RFTN1: variants seen among roughly 807,000 people sequenced by gnomAD.
RFTN1 encodes raftlin, lipid raft linker 1.
Under a neutral mutation model 46.5 loss-of-function variants are expected in RFTN1, and 26 were observed. That is an observed-to-expected ratio of 0.56 (90% CI 0.41 to 0.78). The LOEUF (loss-of-function observed/expected upper bound fraction) is 0.78. Among genes scored for constraint, RFTN1 ranks in the 30% least tolerant of loss-of-function variants. RFTN1 has a pLI of 0.00. For synonymous variants in RFTN1, 261 were observed against 284.2 expected, an observed-to-expected ratio of 0.92 and a Z score of 0.82; for missense variants, 693 against 718.7, an observed-to-expected ratio of 0.96 and a Z score of 0.41.
In RFTN1 at chr3:16,334,293, G is replaced by A. The variant is rs137862950; in HGVS notation, c.1147-7417C>T. Among the ~76,000 whole-genome samples the A allele has an allele frequency of 9.9e-5, 15 of 152,182 alleles. No individual in the cohort carries two copies. Among genetic ancestry groups the A allele is most frequent in the Admixed American group, 6.5e-5 (1 of 15,290 alleles). On this transcript the variant is annotated intron_variant, in intron 7 of 9. Coordinates refer to ENST00000334133, the MANE Select transcript of RFTN1 (RefSeq NM_015150.2). This position sits in a 1 kb window ranked among gnomAD's most constrained non-coding sequence, Gnocchi z 4.3. The stretch of plus-strand genomic sequence containing the variant: ...TTGCCAAGGCCGTGGGGAAGCATGC[G>A]TTCTTGTACATTGCTAGTGGAAGGG...
chr3:16,469,855 C>T (rs1368185555), intron 2 of RFTN1, among the ~76,000 whole-genome samples: 1 of 152,230 alleles, frequency 6.6e-6, no homozygotes, highest in Non-Finnish European at 1.5e-5. Context: ...CCCCAAGGAC[C>T]CTTTCTGTTG....
Position 16,496,750 on chromosome 3 carries a change from A to C in RFTN1, c.-8-2873T>G, listed in dbSNP as rs192424776. Among the ~76,000 whole-genome samples, 4 of 152,342 alleles carry C rather than the reference A, an allele frequency of 2.6e-5. No individual in the cohort carries two copies. In the East Asian group the frequency reaches 7.7e-4, roughly 29 times the overall value. On this transcript the variant is annotated intron_variant, in intron 1 of 9. Transcript: ENST00000334133. ...GGTATATACCAACAGAAATGTGTAC[A>C]TATGGGCATCGAAAGACACGTATGA...
At chr3:16,471,412 A>C (rs1158168746) in intron 2 of RFTN1, among the ~76,000 whole-genome samples, 1 of 152,192 alleles carries the variant, frequency 6.6e-6, no homozygotes, top group African/African-American at 2.4e-5. Flanking sequence ...TCTGGACATC[A>C]GTTTCCTATT....
Position 16,384,051 on chromosome 3 carries a change from T to C in RFTN1, c.442-5949A>G, listed in dbSNP as rs111446579. Reference sequence around the variant, plus strand: ...TCGGTAAAGTGGATTCCTCCATTATTAGGTGGGTCTCATCTAATCAGGTGA... The same window carrying C: ...TCGGTAAAGTGGATTCCTCCATTATCAGGTGGGTCTCATCTAATCAGGTGA... On this transcript the variant is annotated intron_variant, in intron 4 of 9. Coordinates refer to ENST00000334133, the MANE Select transcript of RFTN1 (RefSeq NM_015150.2). This position sits in a 1 kb window ranked among gnomAD's most constrained non-coding sequence, Gnocchi z 4.7. 4.6e-3 allele frequency among the ~76,000 whole-genome samples: 708 copies of C among 152,340 alleles called. 3 individuals are homozygous for C. The highest frequency in any genetic ancestry group is 0.016 in the African/African-American group (684 of 41,572).
At chr3:16,326,990 C>T (rs75175275) in intron 7 of RFTN1, 114 bp from the exon 8 acceptor site, 12,138 of 727,948 alleles carry the variant, frequency 0.017, 449 homozygotes, top group East Asian at 0.11. Context: ...TGGCGGTGCC[C>T]GGCCACTCAG....
chr3:16,411,467 G>A (rs2074979213), intron 3 of RFTN1, among the ~76,000 whole-genome samples: 1 of 152,140 alleles, frequency 6.6e-6, no homozygotes, highest in Non-Finnish European at 1.5e-5. Context: ...CCTTCCAAGG[G>A]TAGGGTACTG....
In RFTN1 at chr3:16,327,257, C is replaced by T. The variant is rs1200194892; in HGVS notation, c.1147-381G>A. 1.3e-5 allele frequency among the ~76,000 whole-genome samples: 2 copies of T among 152,160 alleles called. No individual in the cohort carries two copies. Among genetic ancestry groups the T allele is most frequent in the Non-Finnish European group, 1.5e-5 (1 of 68,034 alleles). On this transcript the variant is annotated intron_variant, in intron 7 of 9. Coordinates refer to ENST00000334133, the MANE Select transcript of RFTN1 (RefSeq NM_015150.2). This position sits in a 1 kb window ranked among gnomAD's most constrained non-coding sequence, Gnocchi z 4.2. The stretch of plus-strand genomic sequence containing the variant: ...CGTGCTGCTCTGAATGAGTTCAGAG[C>T]GTGTTGTGGGGAGTTAACTTACATT...
chr3:16,366,096 CAA>C (rs1362189349), intron 6 of RFTN1, among the ~76,000 whole-genome samples: 35 of 152,116 alleles, frequency 2.3e-4, no homozygotes, highest in African/African-American at 8.2e-4. Flanking sequence ...GAAGGCAGGG[CAA>C]AGAGGGTAGT....
chr3:16,348,142 T>C lies in RFTN1; in HGVS notation c.1146+9790A>G, dbSNP rs1033802972. On this transcript the variant is annotated intron_variant, in intron 7 of 9. Transcript: ENST00000334133. The surrounding 1 kb of genome is among the most constrained non-coding windows in gnomAD (Gnocchi z 6.3). The stretch of plus-strand genomic sequence containing the variant: ...CACCTCGGAGCACTTGTGGCTCTTG[T>C]TGCTTAAAGCAGGGCAGGCTCCTGG... 1 of 152,132 alleles carries C rather than the reference T, an allele frequency of 6.6e-6. No homozygotes were observed. The highest frequency in any genetic ancestry group is 1.5e-5 in the Non-Finnish European group (1 of 68,026). 9.4% of individuals were successfully genotyped at this position (152,132 alleles called of 1,614,324 possible).
chr3:16,387,213 C>T lies in RFTN1; in HGVS notation c.442-9111G>A, dbSNP rs1189987167. Among the ~76,000 whole-genome samples, 1 of 152,194 alleles carries T rather than the reference C, an allele frequency of 6.6e-6. No individual in the cohort carries two copies. The highest frequency in any genetic ancestry group is 1.5e-5 in the Non-Finnish European group (1 of 68,032). ...CAAATGTCGCATCCATCCAGTCCAC[C>T]CAGGGCCACAAGGAGGAGGGCTCAA... On this transcript the variant is annotated intron_variant, in intron 4 of 9. Coordinates refer to ENST00000334133, the MANE Select transcript of RFTN1 (RefSeq NM_015150.2). This position sits in a 1 kb window ranked among gnomAD's most constrained non-coding sequence, Gnocchi z 5.2.
intron 3 of RFTN1, 35 bp from the exon 4 acceptor site, chr3:16,409,518 T>A: frequency 7.1e-7 from 1 of 1,400,998 alleles, no homozygotes; most frequent in Non-Finnish European, 1.0e-6. Flanking sequence ...AGAAACAGAT[T>A]AATATCTTGC....
Position 16,512,776 on chromosome 3 carries a change from T to C in RFTN1, c.-9+666A>G, listed in dbSNP as rs1693714890. Reference sequence around the variant, plus strand: ...AGTGGGTTAAGACAAGGGAAGAAAATCCCTTACAGAAGAGGAGATCCCCGT... The same window carrying C: ...AGTGGGTTAAGACAAGGGAAGAAAACCCCTTACAGAAGAGGAGATCCCCGT... On this transcript the variant is annotated intron_variant, in intron 1 of 9. Coordinates refer to ENST00000334133, the MANE Select transcript of RFTN1 (RefSeq NM_015150.2). The surrounding 1 kb of genome is among the most constrained non-coding windows in gnomAD (Gnocchi z 4.3). 1.3e-5 allele frequency: 2 copies of C among 152,018 alleles called. No homozygotes were observed. The highest frequency in any genetic ancestry group is 1.9e-4 in the East Asian group (1 of 5,180). The allele number at this position is 152,018 out of a possible 1,614,324, so 9.4% of individuals were successfully genotyped here.
chr3:16,476,644 C>T (rs948327964), intron 2 of RFTN1, among the ~76,000 whole-genome samples: 2 of 152,096 alleles, frequency 1.3e-5, no homozygotes, highest in African/African-American at 4.8e-5. Context: ...CCCAAGGCTT[C>T]TAGGCAGAGG....
chr3:16,339,096 A>G (rs2071124526), intron 7 of RFTN1, among the ~76,000 whole-genome samples: 1 of 152,230 alleles, frequency 6.6e-6, no homozygotes, highest in African/African-American at 2.4e-5. Context: ...CTGGGCTGTC[A>G]CAGTCTTGAC....
rs1408338180 is a variant in RFTN1 at position 16,499,197 on chromosome 3, T to C, written c.-8-5320A>G. Among the ~76,000 whole-genome samples, 1 of 152,044 alleles carries C rather than the reference T, an allele frequency of 6.6e-6. No individual in the cohort carries two copies. The highest frequency in any genetic ancestry group is 1.5e-5 in the Non-Finnish European group (1 of 68,000). ...GGAAGGTAAATGGTAAGTAGGATGGTTTTTAAATGTGGCTCCAAAATCCAC... is the reference window on the plus strand; with the variant it reads ...GGAAGGTAAATGGTAAGTAGGATGGCTTTTAAATGTGGCTCCAAAATCCAC... On this transcript the variant is annotated intron_variant, in intron 1 of 9. Transcript: ENST00000334133. The surrounding 1 kb of genome is among the most constrained non-coding windows in gnomAD (Gnocchi z 4.9).
intron 4 of RFTN1, among the ~76,000 whole-genome samples, chr3:16,378,534 G>A (rs563792197): frequency 1.3e-5 from 2 of 152,248 alleles, no homozygotes; most frequent in African/African-American, 2.4e-5. Context: ...TATAACTACA[G>A]CTTGTCTATA....
chr3:16,398,244 C>CAAAAAAAAAAAAAAAAAAAAAAAAA (rs202032095), intron 4 of RFTN1, among the ~76,000 whole-genome samples: 3 of 110,948 alleles, frequency 2.7e-5, no homozygotes, highest in African/African-American at 8.5e-5. Flanking sequence ...AAGACTGTCT[C>CAAAAAAAAAAAAAAAAAAAAAAAAA]AAAAAAAAAA....
Position 16,425,222 on chromosome 3 carries a change from G to T in RFTN1, c.332+8629C>A, listed in dbSNP as rs2075266848. 6.6e-6 allele frequency among the ~76,000 whole-genome samples: 1 copy of T among 152,162 alleles called. No homozygotes were observed. Among genetic ancestry groups the T allele is most frequent in the Admixed American group, 6.5e-5 (1 of 15,272 alleles). On this transcript the variant is annotated intron_variant, in intron 3 of 9. Coordinates refer to ENST00000334133, the MANE Select transcript of RFTN1 (RefSeq NM_015150.2). The surrounding 1 kb of genome is among the most constrained non-coding windows in gnomAD (Gnocchi z 4.3). Reference sequence around the variant, plus strand: ...ATGCTACCAAATAAATCTTCCTAGAGAGTCAATTTTTACTTAAAGATTGTA... The same window carrying T: ...ATGCTACCAAATAAATCTTCCTAGATAGTCAATTTTTACTTAAAGATTGTA...
rs1237113096 is a variant in RFTN1, at chr3:16,353,586, T to C, written c.1146+4346A>G. Among the ~76,000 whole-genome samples, 1 of 152,234 alleles carries C rather than the reference T, an allele frequency of 6.6e-6. No homozygotes were observed. The highest frequency in any genetic ancestry group is 1.5e-5 in the Non-Finnish European group (1 of 68,050). ...CCACCGTTAAAGACTAAATGTTTTC[T>C]ATCCTCCCACAATGCGTATGTTGAG... On this transcript the variant is annotated intron_variant, in intron 7 of 9. Transcript: ENST00000334133. The surrounding 1 kb of genome is among the most constrained non-coding windows in gnomAD (Gnocchi z 5.4).
Sources: allele counts gnomAD v4.1 joint callset (sites outside exome capture counted in the v4.1 genomes callset), GRCh38; gene constraint gnomAD v4.1.1; non-coding constraint Gnocchi (gnomAD v3.1); transcripts MANE v1.5; gene names NCBI Gene and HGNC (gene_info 2026-07-23, HGNC 2026-07-21).